VOPP1: variants seen among roughly 807,000 people sequenced by gnomAD.
The protein encoded by VOPP1 is WW domain binding protein VOPP1.
VOPP1 carries 8 observed loss-of-function variants against 23.5 expected under a neutral mutation model. That is an observed-to-expected ratio of 0.34 (90% CI 0.20 to 0.61). The LOEUF is 0.61. VOPP1 is among the 20% of genes least tolerant of loss of function. VOPP1 has a pLI of 0.78. For synonymous variants in VOPP1, 83 were observed against 97.3 expected, an observed-to-expected ratio of 0.85 and a Z score of 0.86; for missense variants, 174 against 238.1, an observed-to-expected ratio of 0.73 and a Z score of 1.77.
chr7:55,456,156 T>C (rs1229789995), intron 4 of VOPP1, among the ~76,000 whole-genome samples: 2 of 152,236 alleles, frequency 1.3e-5, no homozygotes, highest in East Asian at 3.9e-4. Context: ...AACAGACACT[T>C]CTCAAAAGAA....
chr7:55,461,695 C>T (rs570601433), intron 4 of VOPP1, among the ~76,000 whole-genome samples: 3 of 152,324 alleles, frequency 2.0e-5, no homozygotes, highest in East Asian at 1.9e-4. Flanking sequence ...GGATTACAGA[C>T]GTGAGCCACT....
intron 4 of VOPP1, among the ~76,000 whole-genome samples, chr7:55,485,843 C>T (rs546561667): frequency 2.0e-5 from 3 of 152,338 alleles, no homozygotes; most frequent in South Asian, 2.1e-4. Context: ...ATCCGCCCCT[C>T]GGAAGGGCCG....
At chr7:55,469,706 A>G (rs1449841257), downstream of VOPP1, among the ~76,000 whole-genome samples, 9 of 152,224 alleles carry the variant, frequency 5.9e-5, no homozygotes. Flanking sequence ...TGCCTGCTAC[A>G]AGGAAAAGAA....
At chr7:55,518,476 G>A (rs372693709) in intron 2 of VOPP1, among the ~76,000 whole-genome samples, 4 of 152,336 alleles carry the variant, frequency 2.6e-5, no homozygotes, top group African/African-American at 7.2e-5. Context: ...TGAAGCACTC[G>A]CCGCGTGGTG....
At chr7:55,474,077 G>C (rs949195114) in intron 4 of VOPP1, among the ~76,000 whole-genome samples, 1 of 152,226 alleles carries the variant, frequency 6.6e-6, no homozygotes, top group African/African-American at 2.4e-5. Context: ...CACAGGCCAG[G>C]CCTGCACTGT....
chr7:55,536,701 C>T (rs1796813443), intron 1 of VOPP1, among the ~76,000 whole-genome samples: 1 of 152,124 alleles, frequency 6.6e-6, no homozygotes. Context: ...TGAACAATGA[C>T]ACTGATATAA....
At chr7:55,455,293 C>A (rs1290559708) in intron 4 of VOPP1, among the ~76,000 whole-genome samples, 1 of 152,102 alleles carries the variant, frequency 6.6e-6, no homozygotes, top group Non-Finnish European at 1.5e-5. Flanking sequence ...AACCACTGCT[C>A]AAGGAAATAA....
In VOPP1 at chr7:55,492,288, C is replaced by T. The variant is rs763651805; in HGVS notation, c.322G>A (p.Gly108Ser). Reference protein sequence around the residue: ...VSYTRQPPNPGPGAQQPGPPY... With the variant: ...VSYTRQPPNPSPGAQQPGPPY... ...AAGGACAGGGCTGGCTGACCTGGGC[C>T]GGGATTTGGGGGCTGCCTGGTGTAG... The change falls in exon 4 of 5, where the codon GGC becomes AGC. Residue 108 changes from glycine (G) to serine (S), a missense_variant. Physicochemically the swap from Gly to Ser is moderately conservative, Grantham distance 56. Coordinates refer to ENST00000285279, the MANE Select transcript of VOPP1 (RefSeq NM_030796.5). 7.5e-6 allele frequency: 12 copies of T among 1,609,380 alleles called. No homozygotes were observed. Among genetic ancestry groups the T allele is most frequent in the Non-Finnish European group, 8.5e-6 (10 of 1,177,514 alleles).
At chr7:55,449,360 C>A (rs1481211315) in intron 4 of VOPP1, among the ~76,000 whole-genome samples, 1 of 152,160 alleles carries the variant, frequency 6.6e-6, no homozygotes. Context: ...TGCGGCCCTG[C>A]CTCGTCCGAA....
chr7:55,512,981 GT>G (rs1277599738), intron 2 of VOPP1, among the ~76,000 whole-genome samples: 1 of 152,232 alleles, frequency 6.6e-6, no homozygotes, highest in Non-Finnish European at 1.5e-5. Flanking sequence ...TTTGACACCT[GT>G]GAACAGCACT....
chr7:55,513,228 G>C (rs762688927), intron 2 of VOPP1, among the ~76,000 whole-genome samples: 1 of 151,954 alleles, frequency 6.6e-6, no homozygotes, highest in Non-Finnish European at 1.5e-5. Context: ...CTCCCTCATC[G>C]CTAACTTCCC....
intron 1 of VOPP1, among the ~76,000 whole-genome samples, chr7:55,549,303 C>G (rs55888812): frequency 0.17 from 25,924 of 152,220 alleles, 2,332 homozygotes; most frequent in Middle Eastern, 0.23. Flanking sequence ...ATAATCTGCC[C>G]TTCTCTCAGG....
At chr7:55,542,407 C>T (rs1797171415) in intron 1 of VOPP1, among the ~76,000 whole-genome samples, 1 of 152,208 alleles carries the variant, frequency 6.6e-6, no homozygotes, top group African/African-American at 2.4e-5. Flanking sequence ...CTCTCCATCC[C>T]CGTCTCCCCA....
intron 2 of VOPP1, among the ~76,000 whole-genome samples, chr7:55,510,142 T>C (rs1300416823): frequency 1.3e-5 from 2 of 152,208 alleles, no homozygotes; most frequent in Non-Finnish European, 1.5e-5. Context: ...CCAGACCAAC[T>C]CAAAATTACA....
intron 2 of VOPP1, among the ~76,000 whole-genome samples, chr7:55,509,155 T>C (rs950778704): frequency 6.6e-6 from 1 of 152,010 alleles, no homozygotes; most frequent in African/African-American, 2.4e-5. Flanking sequence ...GGAAGGGAGA[T>C]GAGATTCTAG....
intron 3 of VOPP1, among the ~76,000 whole-genome samples, chr7:55,495,892 A>C (rs1484318611): frequency 1.3e-5 from 2 of 152,206 alleles, no homozygotes; most frequent in African/African-American, 4.8e-5. Flanking sequence ...GGCATCTGGC[A>C]CTCAGATCTT....
At chr7:55,554,703 C>T (rs937435523) in intron 1 of VOPP1, among the ~76,000 whole-genome samples, 3 of 152,228 alleles carry the variant, frequency 2.0e-5, no homozygotes, top group African/African-American at 4.8e-5. Context: ...GCTTCAGATA[C>T]ACTGTCTGAG....
At chr7:55,437,488 C>T (rs904509490) in intron 4 of VOPP1, among the ~76,000 whole-genome samples, 1 of 152,214 alleles carries the variant, frequency 6.6e-6, no homozygotes, top group Admixed American at 6.5e-5. Flanking sequence ...GATTTCATAG[C>T]CATTGGGATT....
rs144993797 is a variant in VOPP1 at position 55,438,652 on chromosome 7, G to A, written n.418-2478C>T. ...ACTCGCTGCAGAATCGCAGGCCTTG[G>A]AGAAGGCACAGAGGCTTTGAAGGCC... On this transcript the variant is annotated intron_variant and non_coding_transcript_variant, in intron 4 of 4. Transcript: ENST00000462326. Among the ~76,000 whole-genome samples, 813 of 152,342 alleles carry A rather than the reference G, an allele frequency of 5.3e-3. 4 individuals carry two copies. Among genetic ancestry groups the A allele is most frequent in the Middle Eastern group, 0.02 (6 of 294 alleles).
Sources: gnomAD v4.1 joint callset for allele counts (sites outside exome capture counted in the v4.1 genomes callset) on GRCh38, gnomAD v4.1.1 for gene constraint, MANE v1.5 for transcripts, NCBI Gene and HGNC (gene_info 2026-07-23, HGNC 2026-07-21) for gene names.